Variants in COL20A1 observed in about 807,000 individuals in gnomAD.
COL20A1 encodes collagen type XX alpha 1 chain.
COL20A1 carries 164 observed loss-of-function variants against 152.9 expected under a neutral mutation model. That is an observed-to-expected ratio of 1.07 (90% CI 0.94 to 1.22). The LOEUF is 1.22. Among genes scored for constraint, COL20A1 ranks in the 50% most tolerant of loss-of-function variants. The probability of loss-of-function intolerance (pLI) is 0.00; values close to 1 mark genes in which losing one functional copy is unlikely to be tolerated. For missense variants in COL20A1, 1,873 were observed against 1,744.8 expected (o/e 1.07, Z -1.31); for synonymous variants, 864 against 756.0 (o/e 1.14, Z -2.34).
intron 27 of COL20A1, among the ~76,000 whole-genome samples, chr20:63,322,523 C>G (rs2068179358): frequency 6.6e-6 from 1 of 152,190 alleles, no homozygotes; most frequent in Non-Finnish European, 1.5e-5. Flanking sequence ...AGCTTAGGCC[C>G]ACAGAGTATT....
At chr20:63,296,366 A>G (rs1408830608) in intron 2 of COL20A1, among the ~76,000 whole-genome samples, 2 of 152,270 alleles carry the variant, frequency 1.3e-5, no homozygotes, top group Non-Finnish European at 2.9e-5. Context: ...TATCTAGTTC[A>G]GGATTCAGCA....
Position 63,310,100 on chromosome 20 carries a change from G to A in COL20A1, c.1263+185G>A, listed in dbSNP as rs1241260864. 3.3e-5 allele frequency among the ~76,000 whole-genome samples: 5 copies of A among 152,314 alleles called. No individual in the cohort carries two copies. In the East Asian group the frequency reaches 7.7e-4, roughly 24 times the overall value. On this transcript the variant is annotated intron_variant, in intron 10 of 35. Transcript: ENST00000358894. Reference sequence around the variant, plus strand: ...GCGTCTGGGAGGCAGCCTGGGATGAGTGCATTTTAGTGGCCGAGGAGGGCA... The same window carrying A: ...GCGTCTGGGAGGCAGCCTGGGATGAATGCATTTTAGTGGCCGAGGAGGGCA...
chr20:63,317,618 G>A (rs900052304), intron 21 of COL20A1, among the ~76,000 whole-genome samples: 19 of 151,880 alleles, frequency 1.3e-4, no homozygotes, highest in African/African-American at 4.4e-4. Context: ...CCACACAGCC[G>A]CCGGCCCATG....
At chr20:63,300,722 A>T in intron 3 of COL20A1, among the ~76,000 whole-genome samples, 1 of 152,122 alleles carries the variant, frequency 6.6e-6, no homozygotes. Context: ...TTCTGCTCTA[A>T]CTTAAGATGG....
At position 63,305,290 on chromosome 20, in the gene COL20A1, T is replaced by A. The variant is rs902865628; in HGVS notation, c.194-127T>A. The A allele has an allele frequency of 1.4e-5, 10 of 693,568 alleles. No homozygotes were observed. In the South Asian group the frequency reaches 2.7e-4, roughly 19 times the overall value. The allele number at this position is 693,568 out of a possible 1,614,324, so 43.0% of individuals were successfully genotyped here. On this transcript the variant is annotated intron_variant, in intron 3 of 35. Transcript: ENST00000358894. The surrounding 1 kb of genome is among the most constrained non-coding windows in gnomAD (Gnocchi z 4.9). ...CCTTCCATCAGACCCTCTCCCTTTC[T>A]GTCTCTCTGGCTTCAAGGGGAGCAG...
chr20:63,320,234 G>C, intron 24 of COL20A1, 37 bp downstream of exon 24: 2 of 1,603,596 alleles, frequency 1.2e-6, no homozygotes, highest in East Asian at 2.2e-5. Context: ...GGCCACGCTG[G>C]TGGGGGCTGG....
At chr20:63,321,968 TG>T in intron 26 of COL20A1, 89 bp from the exon 27 acceptor site, 2 of 1,046,968 alleles carry the variant, frequency 1.9e-6, no homozygotes, top group Non-Finnish European at 2.7e-6. Flanking sequence ...GGGCTCAGGG[TG>T]GGCCAGGCAT....
intron 3 of COL20A1, among the ~76,000 whole-genome samples, chr20:63,301,764 T>C (rs1380367369): frequency 1.3e-5 from 2 of 152,214 alleles, no homozygotes; most frequent in Non-Finnish European, 2.9e-5. Context: ...TTCTCCTTCT[T>C]TTACTGTTAA....
rs551331432 is a variant in COL20A1, at chr20:63,305,840, C to T, written c.338-41C>T. ...GTGCAGCTGCCCCAGTGGACCAGGC[C>T]CTCCACTCCCACCCTGATGGCTCTT... On this transcript the variant is annotated intron_variant, in intron 4 of 35. Transcript: ENST00000358894. This position sits in a 1 kb window ranked among gnomAD's most constrained non-coding sequence, Gnocchi z 4.9. 3.1e-6 allele frequency: 5 copies of T among 1,594,148 alleles called. No homozygotes were observed. The highest frequency in any genetic ancestry group is 3.3e-5 in the Admixed American group (2 of 59,916).
At chr20:63,327,892 T>G in intron 31 of COL20A1, 60 bp from the exon 32 acceptor site, 1 of 1,515,424 alleles carries the variant, frequency 6.6e-7, no homozygotes, top group Non-Finnish European at 9.0e-7. Flanking sequence ...CATCTCACAC[T>G]TGTCACGTGT....
In COL20A1 at chr20:63,332,802, G is replaced by C. The variant is rs965492443; in HGVS notation, c.*2086G>C. 1.3e-5 allele frequency: 2 copies of C among 152,268 alleles called. No individual in the cohort carries two copies. Among genetic ancestry groups the C allele is most frequent in the Non-Finnish European group, 2.9e-5 (2 of 68,088 alleles). The allele number at this position is 152,268 out of a possible 1,614,324, so 9.4% of individuals were successfully genotyped here. ...GCACAGCAAAGGCAGCGGCCAGCTG[G>C]TGCCCAGGCAGCTTAGGGACTGGTC... On this transcript the variant is annotated 3_prime_UTR_variant, in exon 36 of 36. Transcript: ENST00000358894.
At position 63,320,183 on chromosome 20, in the gene COL20A1, A is replaced by G. The variant is rs1259355945; in HGVS notation, c.3061A>G (p.Ser1021Gly). 11 of 1,573,110 alleles carry G rather than the reference A, an allele frequency of 7.0e-6. No homozygotes were observed. The highest frequency in any genetic ancestry group is 9.5e-6 in the Non-Finnish European group (11 of 1,162,132). ...GRLAKARGPR[S>G]SSAAFQLQML... ...GCTGGCCAAGGCCAGGGGCCCCCGG[A>G]GCAGTTCGGCCGCGGTGAGTTGGGC... Residue 1021 changes from serine (S) to glycine (G), a missense_variant, in exon 24 of 36, where the codon AGC becomes GGC. Coordinates refer to ENST00000358894, the MANE Select transcript of COL20A1 (RefSeq NM_020882.4).
chr20:63,322,708 A>G (rs1005030275), intron 27 of COL20A1, among the ~76,000 whole-genome samples: 4 of 152,102 alleles, frequency 2.6e-5, no homozygotes, highest in African/African-American at 9.7e-5. Context: ...ATTTACCTAA[A>G]CCACGGTACT....
At chr20:63,310,293 C>A in intron 10 of COL20A1, 88 bp from the exon 11 acceptor site, 1 of 1,464,254 alleles carries the variant, frequency 6.8e-7, no homozygotes, top group Non-Finnish European at 9.3e-7. Flanking sequence ...CCCAGCTGAG[C>A]TCACACTCCA....
intron 2 of COL20A1, 30 bp downstream of exon 2, chr20:63,295,219 GC>G: frequency 6.7e-7 from 1 of 1,482,240 alleles, no homozygotes; most frequent in Non-Finnish European, 9.2e-7. Context: ...GCCCCTGCTT[GC>G]CCCGAGGCCA....
Position 63,313,248 on chromosome 20 carries a change from C to T in COL20A1, c.2208C>T (p.Pro736=). 2 of 1,606,460 alleles carry T rather than the reference C, an allele frequency of 1.2e-6. No individual in the cohort carries two copies. The highest frequency in any genetic ancestry group is 1.7e-6 in the Non-Finnish European group (2 of 1,175,412). Residue 736 remains proline, a splice_region_variant and synonymous_variant, in exon 17 of 36, where the codon CCC becomes CCT. Transcript: ENST00000358894. The surrounding 1 kb of genome is among the most constrained non-coding windows in gnomAD (Gnocchi z 5.9). ...RSDPVSLRYT[P]STVSRSPPSN... is the part of the protein sequence containing the mutation. ...ACCCTGTGTCCCTCCGCTATACCCC[C>T]TGTAGGTGCCCCTCCACTTCCCCTC...
Position 63,307,990 on chromosome 20 carries a change from G to C in COL20A1, c.675G>C (p.Gly225=), listed in dbSNP as rs1312489514. Residue 225 remains glycine, a synonymous_variant, in exon 7 of 36, where the codon GGG becomes GGC. Coordinates refer to ENST00000358894, the MANE Select transcript of COL20A1 (RefSeq NM_020882.4). ...CCCCAGGCCTGACTCAGTACAGCGG[G>C]GATGCTCAGACTGAGTGGGACCTGA... is the stretch of plus-strand genomic sequence containing the variant. ...KVQVGLTQYS[G]DAQTEWDLNS... is the part of the protein sequence containing the mutation. 13 of 1,612,504 alleles carry C rather than the reference G, an allele frequency of 8.1e-6. No individual in the cohort carries two copies. Among genetic ancestry groups the C allele is most frequent in the Non-Finnish European group, 1.1e-5 (13 of 1,179,752 alleles).
chr20:63,319,960 AGCCCT>A lies in COL20A1; in HGVS notation c.2917-77_2917-73del. 7.7e-7 allele frequency: 1 copy of A among 1,303,596 alleles called. No individual in the cohort carries two copies. Among genetic ancestry groups the A allele is most frequent in the Non-Finnish European group, 1.0e-6 (1 of 991,388 alleles). The allele number at this position is 1,303,596 out of a possible 1,614,324, so 80.8% of individuals were successfully genotyped here. Reference sequence around the variant, plus strand: ...GTCCCAGGGATGGGTGTTACTCCCCAGCCCTGGCCTGGCCTTGGGGGCTCAGGTGG... The same window carrying A: ...GTCCCAGGGATGGGTGTTACTCCCCAGGCCTGGCCTTGGGGGCTCAGGTGG... On this transcript the variant is annotated intron_variant, in intron 23 of 35. Coordinates refer to ENST00000358894, the MANE Select transcript of COL20A1 (RefSeq NM_020882.4). The surrounding 1 kb of genome is among the most constrained non-coding windows in gnomAD (Gnocchi z 4.4).
At chr20:63,300,247 C>T (rs2067848798) in intron 3 of COL20A1, among the ~76,000 whole-genome samples, 1 of 152,068 alleles carries the variant, frequency 6.6e-6, no homozygotes, top group African/African-American at 2.4e-5. Flanking sequence ...AAGGATTCCT[C>T]TTATTCTGTT....
Sources: gnomAD v4.1 joint callset for allele counts (sites outside exome capture counted in the v4.1 genomes callset) on GRCh38, gnomAD v4.1.1 for gene constraint, Gnocchi (gnomAD v3.1) non-coding constraint, MANE v1.5 for transcripts, NCBI Gene and HGNC (gene_info 2026-07-23, HGNC 2026-07-21) for gene names.